The following BRIP1 variants were observed in gnomAD, a reference collection of about 807,000 sequenced individuals.
BRIP1 encodes the protein Fanconi anemia group J protein.
BRIP1 carries 88 observed loss-of-function variants against 119.7 expected under a neutral mutation model. The observed-to-expected ratio is 0.74, with a 90% CI of 0.62 to 0.88. The LOEUF is 0.88. BRIP1 is among the 40% of genes least tolerant of loss of function. The pLI is 0.00. For missense variants in BRIP1, 1,259 were observed against 1,455.4 expected (o/e 0.87, Z 2.20); for synonymous variants, 443 against 496.5 (o/e 0.89, Z 1.43).
In BRIP1 at chr17:61,687,224, A is replaced by C. The variant is rs972637139; in HGVS notation, c.2576-1059T>G. 2.0e-5 allele frequency among the ~76,000 whole-genome samples: 3 copies of C among 152,156 alleles called. No homozygotes were observed. The highest frequency in any genetic ancestry group is 7.2e-5 in the African/African-American group (3 of 41,436). On this transcript the variant is annotated intron_variant, in intron 18 of 19. Transcript: ENST00000259008. This position sits in a 1 kb window ranked among gnomAD's most constrained non-coding sequence, Gnocchi z 5.1. ...CACTGCACTCCAGCCTGGGCAACAG[A>C]GTAAGACCTGTCTCTAAAAAAGAAA... is the stretch of plus-strand genomic sequence containing the variant.
At chr17:61,731,981 C>CTTTTTTTTTTTTTTTTTT (rs71299809) in intron 16 of BRIP1, among the ~76,000 whole-genome samples, 6 of 83,004 alleles carry the variant, frequency 7.2e-5, no homozygotes, top group African/African-American at 1.1e-4. Flanking sequence ...TTCTTTCTTT[C>CTTTTTTTTTTTTTTTTTT]TTTTTTTTTT....
intron 14 of BRIP1, among the ~76,000 whole-genome samples, chr17:61,765,829 G>GCGCACA (rs1555598342): frequency 1.4e-5 from 2 of 146,428 alleles, no homozygotes; most frequent in Non-Finnish European, 3.0e-5. Context: ...CTATATTCAT[G>GCGCACA]CACACACACA....
chr17:61,784,944 T>C (rs1273010278), intron 10 of BRIP1, among the ~76,000 whole-genome samples: 1 of 152,168 alleles, frequency 6.6e-6, no homozygotes, highest in Non-Finnish European at 1.5e-5. Context: ...TTTATAGTGA[T>C]ACAAACAAAG....
Position 61,679,531 on chromosome 17 carries a change from T to G in BRIP1, c.*3765A>C, listed in dbSNP as rs2061249872. On this transcript the variant is annotated 3_prime_UTR_variant, in exon 20 of 20. Transcript: ENST00000259008. The surrounding 1 kb of genome is among the most constrained non-coding windows in gnomAD (Gnocchi z 4.4). ...AATTATTTCATATGCATTGAATGTG[T>G]CACATAAATTATTTGATAAACAATC... Among the ~76,000 whole-genome samples the G allele has an allele frequency of 1.3e-5, 2 of 152,274 alleles. No homozygotes were observed. Among genetic ancestry groups the G allele is most frequent in the African/African-American group, 4.8e-5 (2 of 41,566 alleles).
intron 4 of BRIP1, among the ~76,000 whole-genome samples, chr17:61,854,869 C>A (rs1156543013): frequency 6.6e-6 from 1 of 152,046 alleles, no homozygotes; most frequent in Non-Finnish European, 1.5e-5. Context: ...CTAGCAATAA[C>A]CCAAATATAC....
chr17:61,724,783 A>T lies in BRIP1; in HGVS notation c.2380-8720T>A, dbSNP rs1340203422. 6.6e-6 allele frequency among the ~76,000 whole-genome samples: 1 copy of T among 152,206 alleles called. No individual in the cohort carries two copies. Among genetic ancestry groups the T allele is most frequent in the Non-Finnish European group, 1.5e-5 (1 of 68,014 alleles). ...TCAGCTAAACTACATAATTATAAAA[A>T]TATTAAGAAAACTCTGCTTCAGAAA... On this transcript the variant is annotated intron_variant, in intron 16 of 19. Transcript: ENST00000259008. The surrounding 1 kb of genome is among the most constrained non-coding windows in gnomAD (Gnocchi z 5.1).
chr17:61,801,181 A>G (rs2077984337), intron 8 of BRIP1, 72 bp downstream of exon 8: 1 of 1,418,620 alleles, frequency 7.0e-7, no homozygotes, highest in Non-Finnish European at 9.9e-7. Context: ...TAAAACATCT[A>G]AAAGCTTTTA....
At position 61,778,825 on chromosome 17, in the gene BRIP1, T is replaced by C. The variant is rs2077573016; in HGVS notation, c.1935+1436A>G. Among the ~76,000 whole-genome samples, 1 of 152,226 alleles carries C rather than the reference T, an allele frequency of 6.6e-6. No individual in the cohort carries two copies. Among genetic ancestry groups the C allele is most frequent in the East Asian group, 1.9e-4 (1 of 5,192 alleles). On this transcript the variant is annotated intron_variant, in intron 13 of 19. Coordinates refer to ENST00000259008, the MANE Select transcript of BRIP1 (RefSeq NM_032043.3). This position sits in a 1 kb window ranked among gnomAD's most constrained non-coding sequence, Gnocchi z 4.4. ...TCTTAGTTACATAGGAGTAGCATTC[T>C]AGGTTCCCAACTACCAAATGCCGTA... is the stretch of plus-strand genomic sequence containing the variant.
In BRIP1 at chr17:61,841,105, A is replaced by G. The variant is rs2078651289; in HGVS notation, c.627+5996T>C. On this transcript the variant is annotated intron_variant, in intron 6 of 19. Coordinates refer to ENST00000259008, the MANE Select transcript of BRIP1 (RefSeq NM_032043.3). The surrounding 1 kb of genome is among the most constrained non-coding windows in gnomAD (Gnocchi z 4.1). ...AGACTTAAACATAAGACCCAAAACT[A>G]TAAGACTACTAGAAGAAAACATAGG... Among the ~76,000 whole-genome samples, 2 of 152,226 alleles carry G rather than the reference A, an allele frequency of 1.3e-5. No individual in the cohort carries two copies. The highest frequency in any genetic ancestry group is 2.9e-5 in the Non-Finnish European group (2 of 68,024).
intron 14 of BRIP1, among the ~76,000 whole-genome samples, chr17:61,750,579 C>T (rs1404412942): frequency 6.6e-6 from 1 of 151,816 alleles, no homozygotes. Context: ...TGATAGTACA[C>T]AGAATGCAAA....
Position 61,752,581 on chromosome 17 carries a change from C to G in BRIP1, c.2098-7990G>C, listed in dbSNP as rs1385390920. On this transcript the variant is annotated intron_variant, in intron 14 of 19. Coordinates refer to ENST00000259008, the MANE Select transcript of BRIP1 (RefSeq NM_032043.3). This position sits in a 1 kb window ranked among gnomAD's most constrained non-coding sequence, Gnocchi z 6.2. ...ACCCTAAAAGTTACTATTTATTGCC[C>G]TGTAGTACATCAACCAGTTTTCTTA... Among the ~76,000 whole-genome samples, 3 of 152,108 alleles carry G rather than the reference C, an allele frequency of 2.0e-5. No individual in the cohort carries two copies. Among genetic ancestry groups the G allele is most frequent in the Non-Finnish European group, 4.4e-5 (3 of 68,020 alleles).
chr17:61,857,109 A>G lies in BRIP1; in HGVS notation c.328T>C (p.Tyr110His), dbSNP rs1555617821. The G allele has an allele frequency of 6.2e-7, 1 of 1,614,038 alleles. No homozygotes were observed. Among genetic ancestry groups the G allele is most frequent in the South Asian group, 1.1e-5 (1 of 91,088 alleles). Residue 110 changes from tyrosine to histidine, a missense_variant, in exon 4 of 20, where the codon TAT (tyrosine) becomes CAT (histidine). Coordinates refer to ENST00000259008, the MANE Select transcript of BRIP1 (RefSeq NM_032043.3). This position sits in a 1 kb window ranked among gnomAD's most constrained non-coding sequence, Gnocchi z 5.1. The part of the protein sequence containing the change: ...MNQGTSRHFN[Y>H]PSTPPSERNG... The stretch of plus-strand genomic sequence containing the variant: ...CTTTCAGAAGGTGGTGTGCTTGGAT[A>G]GTTGAAATGACGTGAAGTTCCTTGG...
In BRIP1 at chr17:61,743,253, A is replaced by G. The variant is rs1396673426; in HGVS notation, c.2258-119T>C. 11 of 1,275,040 alleles carry G rather than the reference A, an allele frequency of 8.6e-6. 1 individual carries two copies. The Admixed American group carries it at 2.2e-4, about 25-fold the overall frequency. 79.0% of individuals were successfully genotyped at this position (1,275,040 alleles called of 1,614,324 possible). A position where few individuals can be genotyped will look rare whatever the true frequency, so the allele number is the denominator to read the frequency against. On this transcript the variant is annotated intron_variant, in intron 15 of 19. Transcript: ENST00000259008. The surrounding 1 kb of genome is among the most constrained non-coding windows in gnomAD (Gnocchi z 4.3). ...GTAGCAAATTTAAAATAATCAAAAT[A>G]AAACACTATTATGAGATAAAGTTTT...
chr17:61,721,272 T>C (rs1404662791), intron 16 of BRIP1, among the ~76,000 whole-genome samples: 1 of 148,956 alleles, frequency 6.7e-6, no homozygotes, highest in Non-Finnish European at 1.5e-5. Context: ...CTAAGCTTTT[T>C]TTTTTTTTTT....
Position 61,681,523 on chromosome 17 carries a change from A to G in BRIP1, c.*1773T>C, listed in dbSNP as rs2061270585. On this transcript the variant is annotated 3_prime_UTR_variant, in exon 20 of 20. Transcript: ENST00000259008. The surrounding 1 kb of genome is among the most constrained non-coding windows in gnomAD (Gnocchi z 5.1). ...CCAAGTCTCTTGTCTTCTACCAGGTATTTATTCGTTTCACTACCCTACTAT... is the reference window on the plus strand; with the variant it reads ...CCAAGTCTCTTGTCTTCTACCAGGTGTTTATTCGTTTCACTACCCTACTAT... 1 of 207,968 alleles carries G rather than the reference A, an allele frequency of 4.8e-6. No individual in the cohort carries two copies. The highest frequency in any genetic ancestry group is 7.4e-5 in the East Asian group (1 of 13,564). The allele number at this position is 207,968 out of a possible 1,614,324, so 12.9% of individuals were successfully genotyped here.
In BRIP1 at chr17:61,794,552, C is replaced by T. The variant is rs573283339; in HGVS notation, c.1341-823G>A. 1.3e-4 allele frequency among the ~76,000 whole-genome samples: 19 copies of T among 151,456 alleles called. No individual in the cohort carries two copies. The highest frequency in any genetic ancestry group is 2.2e-4 in the Non-Finnish European group (15 of 67,838). ...CTATCGGATGGTGTAGCGTTGGAGA[C>T]GGGAAAAGATCAGGAAAAATAACTA... On this transcript the variant is annotated intron_variant, in intron 9 of 19. Coordinates refer to ENST00000259008, the MANE Select transcript of BRIP1 (RefSeq NM_032043.3). This position sits in a 1 kb window ranked among gnomAD's most constrained non-coding sequence, Gnocchi z 4.3.
intron 14 of BRIP1, among the ~76,000 whole-genome samples, chr17:61,772,918 C>T (rs1295268330): frequency 7.3e-5 from 11 of 151,098 alleles, no homozygotes; most frequent in Admixed American, 5.3e-4. Context: ...CAAAGACCTG[C>T]GAAGCCTCTG....
rs1241530599 is a variant in BRIP1, at chr17:61,755,565, CA to C, written c.2098-10975del. On this transcript the variant is annotated intron_variant, in intron 14 of 19. Coordinates refer to ENST00000259008, the MANE Select transcript of BRIP1 (RefSeq NM_032043.3). The surrounding 1 kb of genome is among the most constrained non-coding windows in gnomAD (Gnocchi z 4.5). Reference sequence around the variant, plus strand: ...TAGAGTGAGACCCTATCTGAAAAAACAAATAAAAATAAAATATTAAAAATAA... The same window carrying C: ...TAGAGTGAGACCCTATCTGAAAAAACAATAAAAATAAAATATTAAAAATAA... Among the ~76,000 whole-genome samples, 1 of 151,852 alleles carries C rather than the reference CA, an allele frequency of 6.6e-6. No individual in the cohort carries two copies. Among genetic ancestry groups the C allele is most frequent in the East Asian group, 1.9e-4 (1 of 5,182 alleles).
At chr17:61,797,293 A>G (rs1469768787) in intron 9 of BRIP1, among the ~76,000 whole-genome samples, 1 of 151,884 alleles carries the variant, frequency 6.6e-6, no homozygotes, top group Non-Finnish European at 1.5e-5. Flanking sequence ...AAGAATTATC[A>G]AAAGAAATGA....
Sources: gnomAD v4.1 joint callset for allele counts (sites outside exome capture counted in the v4.1 genomes callset) on GRCh38, gnomAD v4.1.1 for gene constraint, Gnocchi (gnomAD v3.1) non-coding constraint, MANE v1.5 for transcripts, NCBI Gene and HGNC (gene_info 2026-07-23, HGNC 2026-07-21) for gene names.